The following EIF4G3 variants were observed in gnomAD, a reference collection of about 807,000 sequenced individuals.
EIF4G3 encodes the protein eukaryotic translation initiation factor 4 gamma 3, also known as eIF-4-gamma 3.
A neutral mutation model predicts 186.4 loss-of-function variants in EIF4G3; 34 were observed. That is an observed-to-expected ratio of 0.18 (90% CI 0.14 to 0.24). The LOEUF is 0.24. Ranked by LOEUF, EIF4G3 falls within the 10% of genes least tolerant of loss-of-function variation. The pLI is 1.00. For synonymous variants in EIF4G3, 673 were observed against 679.5 expected (o/e 0.99, Z 0.15); for missense variants, 1,536 against 1,948.5 (o/e 0.79, Z 3.99).
intron 4 of EIF4G3, among the ~76,000 whole-genome samples, chr1:21,044,190 T>A (rs2093742516): frequency 6.6e-6 from 1 of 152,212 alleles, no homozygotes; most frequent in African/African-American, 2.4e-5. Context: ...TTGGTTTTTT[T>A]AAGTTGATAA....
chr1:21,023,973 G>A (rs1454358327), intron 4 of EIF4G3, among the ~76,000 whole-genome samples: 14 of 80,532 alleles, frequency 1.7e-4, no homozygotes, highest in Middle Eastern at 6.3e-3. Context: ...GGTGAGGAGC[G>A]TCTCTGCCCG....
At chr1:21,025,544 A>G (rs1409893318) in intron 4 of EIF4G3, among the ~76,000 whole-genome samples, 1 of 152,192 alleles carries the variant, frequency 6.6e-6, no homozygotes, top group East Asian at 1.9e-4. Context: ...CTGCTTCTCC[A>G]AGGTTTGAGG....
intron 30 of EIF4G3, among the ~76,000 whole-genome samples, chr1:20,831,036 C>T (rs2154547933): frequency 6.6e-6 from 1 of 152,334 alleles, no homozygotes. Context: ...AACAGAGCTA[C>T]ATCATACCCT....
chr1:20,879,125 C>A (rs1284110186), intron 20 of EIF4G3, among the ~76,000 whole-genome samples, 198 bp downstream of exon 20: 2 of 152,266 alleles, frequency 1.3e-5, no homozygotes, highest in East Asian at 3.9e-4. Context: ...TCAGTCCAGA[C>A]TTCATATCCC....
In EIF4G3 at chr1:21,102,527, A is replaced by G. The variant is rs182259020; in HGVS notation, c.-271-13314T>C. Among the ~76,000 whole-genome samples, 206 of 152,356 alleles carry G rather than the reference A, an allele frequency of 1.4e-3. 4 individuals carry two copies. In the South Asian group the frequency reaches 0.029, roughly 22 times the overall value. On this transcript the variant is annotated intron_variant, in intron 2 of 36. Transcript: ENST00000602326. ...GCTATGTTAATAAATGGACAATGCT[A>G]AAGAGACATTCTTAAAATCATCATT...
At chr1:20,959,465 A>C (rs2096521232) in intron 12 of EIF4G3, among the ~76,000 whole-genome samples, 1 of 152,048 alleles carries the variant, frequency 6.6e-6, no homozygotes, top group African/African-American at 2.4e-5. Context: ...ACTCTTCTAG[A>C]CATCAGCCCA....
intron 7 of EIF4G3, among the ~76,000 whole-genome samples, chr1:20,990,194 A>G (rs2080765116): frequency 6.6e-6 from 1 of 151,840 alleles, no homozygotes; most frequent in Non-Finnish European, 1.5e-5. Context: ...AAATAAATTA[A>G]AAAAAAGAAG....
intron 2 of EIF4G3, among the ~76,000 whole-genome samples, chr1:21,142,461 C>T (rs2097357904): frequency 1.3e-5 from 2 of 152,206 alleles, no homozygotes; most frequent in South Asian, 4.1e-4. Flanking sequence ...GAGTTGAGAT[C>T]GTACAACCGT....
In EIF4G3 at chr1:20,991,848, G is replaced by A. The variant is rs565301203; in HGVS notation, c.177+5753C>T. ...TAGCTTGGGAAAAGGGGAAAGGCAG[G>A]TAGTCTCACTGCTAAAGGAAACTGA... is the stretch of plus-strand genomic sequence containing the variant. On this transcript the variant is annotated intron_variant, in intron 7 of 36. Transcript: ENST00000602326. Among the ~76,000 whole-genome samples, 20 of 152,252 alleles carry A rather than the reference G, an allele frequency of 1.3e-4. No individual in the cohort carries two copies. The South Asian group carries it at 3.7e-3, about 28-fold the overall frequency.
intron 7 of EIF4G3, among the ~76,000 whole-genome samples, chr1:20,983,581 C>G (rs2078769200): frequency 6.6e-6 from 1 of 152,150 alleles, no homozygotes; most frequent in African/African-American, 2.4e-5. Context: ...TAGTTAATAT[C>G]AGGAGCCACA....
intron 7 of EIF4G3, among the ~76,000 whole-genome samples, chr1:20,985,955 T>A (rs1227304753): frequency 6.6e-6 from 1 of 152,186 alleles, no homozygotes; most frequent in South Asian, 2.1e-4. Context: ...CTCGTGTCCA[T>A]CCCTAAAACC....
chr1:21,118,785 CAAA>C (rs796933675), intron 2 of EIF4G3, among the ~76,000 whole-genome samples: 3 of 86,268 alleles, frequency 3.5e-5, no homozygotes, highest in Admixed American at 1.3e-4. Flanking sequence ...GACTACATCT[CAAA>C]AAAAAAAAAA....
chr1:20,908,123 T>C (rs539455529), intron 14 of EIF4G3, among the ~76,000 whole-genome samples: 1 of 152,328 alleles, frequency 6.6e-6, no homozygotes, highest in East Asian at 1.9e-4. Flanking sequence ...GTGGTTTTGA[T>C]TTGCATTTCT....
chr1:20,891,843 T>C (rs993297242), intron 18 of EIF4G3, among the ~76,000 whole-genome samples: 1 of 151,766 alleles, frequency 6.6e-6, no homozygotes, highest in Non-Finnish European at 1.5e-5. Flanking sequence ...TTCTAAGACT[T>C]TCTGGTGAGG....
intron 7 of EIF4G3, among the ~76,000 whole-genome samples, chr1:20,994,777 C>T (rs1010122176): frequency 6.6e-6 from 1 of 151,628 alleles, no homozygotes; most frequent in South Asian, 2.1e-4. Context: ...TACAGGCATG[C>T]ACAACCACAC....
At chr1:21,085,647 T>G (rs914432284) in intron 3 of EIF4G3, among the ~76,000 whole-genome samples, 4 of 152,146 alleles carry the variant, frequency 2.6e-5, no homozygotes, top group Non-Finnish European at 4.4e-5. Context: ...TCTTCCCGCC[T>G]TGGCCTCCCC....
chr1:20,993,065 T>C (rs1397047448), intron 7 of EIF4G3, among the ~76,000 whole-genome samples: 1 of 152,186 alleles, frequency 6.6e-6, no homozygotes, highest in Non-Finnish European at 1.5e-5. Flanking sequence ...TGAAGAAAAC[T>C]GTAATTCTAA....
At chr1:21,062,617 GT>G (rs1162549193) in intron 3 of EIF4G3, among the ~76,000 whole-genome samples, 1 of 152,054 alleles carries the variant, frequency 6.6e-6, no homozygotes, top group African/African-American at 2.4e-5. Flanking sequence ...TTGAGATGGA[GT>G]TTTACTCGTT....
chr1:21,143,345 GA>G (rs1295953719), intron 2 of EIF4G3, among the ~76,000 whole-genome samples: 6 of 150,716 alleles, frequency 4.0e-5, no homozygotes, highest in Non-Finnish European at 8.9e-5. Flanking sequence ...GGAAGAAGGA[GA>G]AGAAGGAGAA....
Sources: allele counts gnomAD v4.1 joint callset (sites outside exome capture counted in the v4.1 genomes callset), GRCh38; gene constraint gnomAD v4.1.1; transcripts MANE v1.5; gene names NCBI Gene and HGNC (gene_info 2026-07-23, HGNC 2026-07-21).